The following APOBR variants were observed in gnomAD, a reference collection of about 807,000 sequenced individuals.
APOBR encodes the protein apolipoprotein B receptor.
A neutral mutation model predicts 88.5 loss-of-function variants in APOBR; 57 were observed. The observed-to-expected ratio is 0.64, with a 90% CI of 0.52 to 0.80. The LOEUF (loss-of-function observed/expected upper bound fraction) is 0.80. APOBR is among the 30% of genes least tolerant of loss of function. APOBR has a pLI of 0.00. For missense variants in APOBR, 1,443 were observed against 1,401.6 expected (o/e 1.03, Z -0.47); for synonymous variants, 588 against 572.7 (o/e 1.03, Z -0.38).
Position 28,497,029 on chromosome 16 carries a change from A to C in APOBR, c.1988A>C (p.Glu663Ala). The C allele has an allele frequency of 1.3e-6, 2 of 1,583,124 alleles. No homozygotes were observed. Among genetic ancestry groups the C allele is most frequent in the East Asian group, 2.3e-5 (1 of 43,674 alleles). Residue 663 changes from glutamate (E) to alanine (A), a missense_variant, in exon 2 of 4, where the codon GAA becomes GCA. By Grantham distance (107) the Glu-to-Ala change is moderately radical. Transcript: ENST00000564831. ...AGGQTLAAEAEGDRESELSEV... is the reference protein window; with the variant it reads ...AGGQTLAAEAAGDRESELSEV... Reference sequence around the variant, plus strand: ...GGCCAGACCCTGGCGGCTGAGGCTGAAGGAGACCGAGAGTCTGAACTATCA... The same window carrying C: ...GGCCAGACCCTGGCGGCTGAGGCTGCAGGAGACCGAGAGTCTGAACTATCA...
At chr16:28,495,003 C>T in intron 1 of APOBR, 96 bp from the exon 2 acceptor site, 1 of 1,228,416 alleles carries the variant, frequency 8.1e-7, no homozygotes. Context: ...ATCCCAGTAC[C>T]CTCTTCCTTA....
Position 28,497,176 on chromosome 16 carries a change from G to A in APOBR, c.2135G>A (p.Gly712Glu), listed in dbSNP as rs1195235654. The change falls in exon 2 of 4, where the codon GGG becomes GAG. Residue 712 changes from glycine to glutamate, a missense_variant. Physicochemically the swap from Gly to Glu is moderately conservative, Grantham distance 98 (BLOSUM62 -2). Coordinates refer to ENST00000564831, the MANE Select transcript of APOBR (RefSeq NM_018690.4). ...GACGGAAGCACAGGGGCAGACGCAG[G>A]GCCTTGCCCGTCACTGGGAGAGGCC... ...ELDGSTGADAGPCPSLGEAYA... is the reference protein window; with the variant it reads ...ELDGSTGADAEPCPSLGEAYA... 2 of 1,602,252 alleles carry A rather than the reference G, an allele frequency of 1.2e-6. No individual in the cohort carries two copies. Among genetic ancestry groups the A allele is most frequent in the Non-Finnish European group, 1.7e-6 (2 of 1,175,034 alleles).
In APOBR at chr16:28,498,066, C is replaced by T. The variant is rs948238310; in HGVS notation, c.2956-15C>T. The T allele has an allele frequency of 1.3e-6, 2 of 1,544,026 alleles. No individual in the cohort carries two copies. Among genetic ancestry groups the T allele is most frequent in the African/African-American group, 2.7e-5 (2 of 72,866 alleles). ...GAAGCCGGCCCCATGGTCCTCTGTG[C>T]CCCCTTTCCTGCAGGCCCCGCTCCC... is the stretch of plus-strand genomic sequence containing the variant. On this transcript the variant is annotated splice_polypyrimidine_tract_variant and intron_variant, in intron 2 of 3. Transcript: ENST00000564831.
Position 28,497,332 on chromosome 16 carries a change from T to G in APOBR, c.2291T>G (p.Ile764Ser). ...CAGACTGGCTCTGTGGCTGCTGGGA[T>G]TATGGGGGGTGATGTGGTCCCACAC... ...DAQTGSVAAG[I>S]MGGDVVPHIS... Residue 764 changes from isoleucine to serine, a missense_variant, in exon 2 of 4, where the codon ATT (isoleucine) becomes AGT (serine). Coordinates refer to ENST00000564831, the MANE Select transcript of APOBR (RefSeq NM_018690.4). The G allele has an allele frequency of 6.2e-7, 1 of 1,604,614 alleles. No homozygotes were observed. The highest frequency in any genetic ancestry group is 8.5e-7 in the Non-Finnish European group (1 of 1,176,090).
In APOBR at chr16:28,498,180, C is replaced by T. The variant is rs373411584; in HGVS notation, c.3055C>T (p.Arg1019Trp). ...GCGTCGCTCCCGGCCCTCTTTTCGT[C>T]GGACTCCGGCCTGGGAGCAGCAGGA... The part of the protein sequence containing the change: ...SQRRSRPSFR[R>W]TPAWEQQEEP... Residue 1019 changes from arginine (R) to tryptophan (W), a missense_variant, in exon 3 of 4, where the codon CGG (arginine) becomes TGG (tryptophan). Arg to Trp is a moderately radical substitution (Grantham distance 101). Transcript: ENST00000564831. 26 of 1,602,438 alleles carry T rather than the reference C, an allele frequency of 1.6e-5. No individual in the cohort carries two copies. The highest frequency in any genetic ancestry group is 1.1e-4 in the South Asian group (10 of 90,672).
In APOBR at chr16:28,497,019, G is replaced by T. The variant is rs930519752; in HGVS notation, c.1978G>T (p.Ala660Ser). 6.3e-7 allele frequency: 1 copy of T among 1,577,650 alleles called. No individual in the cohort carries two copies. The highest frequency in any genetic ancestry group is 8.6e-7 in the Non-Finnish European group (1 of 1,162,388). The change falls in exon 2 of 4, where the codon GCT (alanine) becomes TCT (serine). Residue 660 changes from alanine (A) to serine (S), a missense_variant. By Grantham distance (99) the Ala-to-Ser change is moderately conservative (BLOSUM62 1). Transcript: ENST00000564831. ...GACTGCGGGAGGCCAGACCCTGGCGGCTGAGGCTGAAGGAGACCGAGAGTC... is the reference window on the plus strand; with the variant it reads ...GACTGCGGGAGGCCAGACCCTGGCGTCTGAGGCTGAAGGAGACCGAGAGTC... ...EETAGGQTLAAEAEGDRESEL... is the reference protein window; with the variant it reads ...EETAGGQTLASEAEGDRESEL...
At position 28,498,445 on chromosome 16, in the gene APOBR, C is replaced by A; in HGVS notation, c.3234C>A (p.Leu1078=). 6.2e-7 allele frequency: 1 copy of A among 1,601,842 alleles called. No individual in the cohort carries two copies. The highest frequency in any genetic ancestry group is 8.5e-7 in the Non-Finnish European group (1 of 1,174,724). The change falls in exon 4 of 4, where the codon CTC becomes CTA. Residue 1078 remains leucine (L), a synonymous_variant. Coordinates refer to ENST00000564831, the MANE Select transcript of APOBR (RefSeq NM_018690.4). ...RRRPLGHGFG[L]AHPGMMQELQ... is the part of the protein sequence containing the mutation. ...TGACTTCCGCCTCCAGGTTTGGCCTCGCGCACCCTGGCATGATGCAGGAGC... is the reference window on the plus strand; with the variant it reads ...TGACTTCCGCCTCCAGGTTTGGCCTAGCGCACCCTGGCATGATGCAGGAGC...
chr16:28,498,862 C>T lies in APOBR; in HGVS notation c.*357C>T, dbSNP rs1161657464. The T allele has an allele frequency of 5.3e-6, 3 of 570,324 alleles. No homozygotes were observed. The highest frequency in any genetic ancestry group is 3.7e-5 in the African/African-American group (2 of 53,582). 35.3% of individuals were successfully genotyped at this position (570,324 alleles called of 1,614,324 possible). The stretch of plus-strand genomic sequence containing the variant: ...CTTTGGGAGGCCAAGGTGGGAGGAT[C>T]GCTTGAGACCAGGAGTTCGAGACCA... On this transcript the variant is annotated 3_prime_UTR_variant, in exon 4 of 4. Transcript: ENST00000564831.
chr16:28,497,416 CGAAA>C lies in APOBR; in HGVS notation c.2380_2383del (p.Glu794ArgfsTer25), dbSNP rs1567268808. 2 of 1,613,292 alleles carry C rather than the reference CGAAA, an allele frequency of 1.2e-6. No individual in the cohort carries two copies. The highest frequency in any genetic ancestry group is 3.3e-5 in the Admixed American group (2 of 59,890). ...GGGGTGCTTGGGCAAGGCTGGGACT[CGAAA>C]GAAAAGGAAGAGGCAGCAGCAGGAG... On this transcript the variant is annotated frameshift_variant, in exon 2 of 4. Transcript: ENST00000564831. LOFTEE classifies it high-confidence loss of function.
Position 28,496,676 on chromosome 16 carries a change from C to T in APOBR, c.1635C>T (p.Gly545=), listed in dbSNP as rs745727407. Residue 545 remains glycine (G), a synonymous_variant, in exon 2 of 4, where the codon GGC becomes GGT. Transcript: ENST00000564831. ...GTGAGGCGGCCCAGACTAGCTGTGG[C>T]CTACTGGGCGTGGAATGGGGTGGCC... The part of the protein sequence containing the change: ...EESEAAQTSC[G]LLGVEWGGLT... 2 of 1,605,754 alleles carry T rather than the reference C, an allele frequency of 1.2e-6. No homozygotes were observed. The highest frequency in any genetic ancestry group is 1.3e-5 in the African/African-American group (1 of 74,778).
At position 28,495,271 on chromosome 16, in the gene APOBR, G is replaced by C; in HGVS notation, c.230G>C (p.Gly77Ala). The C allele has an allele frequency of 6.5e-7, 1 of 1,527,406 alleles. No homozygotes were observed. The highest frequency in any genetic ancestry group is 8.8e-7 in the Non-Finnish European group (1 of 1,138,512). 94.6% of individuals were successfully genotyped at this position (1,527,406 alleles called of 1,614,324 possible). Reference protein sequence around the residue: ...LEGLRGSQNEGAGRLRGPGDD... With the variant: ...LEGLRGSQNEAAGRLRGPGDD... ...GGCCTTAGAGGCAGCCAAAACGAGG[G>C]GGCTGGAAGGCTGAGAGGGCCTGGA... is the stretch of plus-strand genomic sequence containing the variant. Residue 77 changes from glycine to alanine, a missense_variant, in exon 2 of 4, where the codon GGG (glycine) becomes GCG (alanine). Transcript: ENST00000564831.
Position 28,495,803 on chromosome 16 carries a change from G to A in APOBR, c.762G>A (p.Glu254=). 6.3e-7 allele frequency: 1 copy of A among 1,598,760 alleles called. No individual in the cohort carries two copies. The highest frequency in any genetic ancestry group is 8.5e-7 in the Non-Finnish European group (1 of 1,173,164). Residue 254 remains glutamate, a synonymous_variant, in exon 2 of 4, where the codon GAG becomes GAA. Transcript: ENST00000564831. The stretch of plus-strand genomic sequence containing the variant: ...AAGGAGAAGAGGTGGTAGTGGTGGA[G>A]AAGGCCTGTGAAAGCACTAGGGCAT... ...AGKGEEVVVV[E]KACESTRAWG... is the part of the protein sequence containing the mutation.
chr16:28,498,409 T>A, intron 3 of APOBR, 27 bp from the exon 4 acceptor site: 1 of 1,599,654 alleles, frequency 6.3e-7, no homozygotes. Context: ...GGGAACCTGT[T>A]CTCACGGGCC....
rs2046393382 is a variant in APOBR at position 28,496,405 on chromosome 16, C to T, written c.1364C>T (p.Ala455Val). 1 of 1,611,132 alleles carries T rather than the reference C, an allele frequency of 6.2e-7. No homozygotes were observed. The highest frequency in any genetic ancestry group is 8.5e-7 in the Non-Finnish European group (1 of 1,178,618). Reference sequence around the variant, plus strand: ...AGGGAAGCTGTGGGAGGCCAGGAGGCAGGGGAGAGCTTTGAGGGCCAGGTA... The same window carrying T: ...AGGGAAGCTGTGGGAGGCCAGGAGGTAGGGGAGAGCTTTGAGGGCCAGGTA... Reference protein sequence around the residue: ...AGREAVGGQEAGESFEGQVDL... With the variant: ...AGREAVGGQEVGESFEGQVDL... Residue 455 changes from alanine (A) to valine (V), a missense_variant, in exon 2 of 4, where the codon GCA becomes GTA. Ala to Val is a moderately conservative substitution (Grantham distance 64). Coordinates refer to ENST00000564831, the MANE Select transcript of APOBR (RefSeq NM_018690.4).
In APOBR at chr16:28,498,762, T is replaced by C. The variant is rs1254135748; in HGVS notation, c.*257T>C. The C allele has an allele frequency of 9.1e-5, 52 of 574,296 alleles. No homozygotes were observed. Among genetic ancestry groups the C allele is most frequent in the South Asian group, 8.7e-4 (43 of 49,570 alleles). The allele number at this position is 574,296 out of a possible 1,614,324, so 35.6% of individuals were successfully genotyped here. The stretch of plus-strand genomic sequence containing the variant: ...CCACCTCTCAGGGTGCCTGCCCTGG[T>C]TCCTCCCCAGCCTGAGTCAGCTGTC... On this transcript the variant is annotated 3_prime_UTR_variant, in exon 4 of 4. Transcript: ENST00000564831.
Position 28,496,262 on chromosome 16 carries a change from G to T in APOBR, c.1221G>T (p.Trp407Cys), listed in dbSNP as rs765107983. Residue 407 changes from tryptophan to cysteine, a missense_variant, in exon 2 of 4, where the codon TGG becomes TGT. Trp to Cys is a radical substitution (Grantham distance 215). Coordinates refer to ENST00000564831, the MANE Select transcript of APOBR (RefSeq NM_018690.4). ...TCCTAGAGGCTACTGGAAAAGTCTGGGTCCTAGAGGAGGAGGGGGATGAGG... is the reference window on the plus strand; with the variant it reads ...TCCTAGAGGCTACTGGAAAAGTCTGTGTCCTAGAGGAGGAGGGGGATGAGG... ...ERLLEATGKVWVLEEEGDEER... is the reference protein window; with the variant it reads ...ERLLEATGKVCVLEEEGDEER... The T allele has an allele frequency of 2.5e-6, 4 of 1,604,162 alleles. No homozygotes were observed. In the South Asian group the frequency reaches 4.5e-5, roughly 18 times the overall value.
In APOBR at chr16:28,497,247, T is replaced by A. The variant is rs369333689; in HGVS notation, c.2206T>A (p.Ser736Thr). 1.6e-4 allele frequency: 250 copies of A among 1,591,528 alleles called. No homozygotes were observed. Among genetic ancestry groups the A allele is most frequent in the Admixed American group, 1.1e-4 (6 of 55,234 alleles). The change falls in exon 2 of 4, where the codon TCC becomes ACC. Residue 736 changes from serine to threonine, a missense_variant. Coordinates refer to ENST00000564831, the MANE Select transcript of APOBR (RefSeq NM_018690.4). ...TGAGGAGGCGGAGGCTGACAGAACA[T>A]CCAGAAGAGGCTGGAGGCTGCAAGC... The part of the protein sequence containing the change: ...EDEEAEADRT[S>T]RRGWRLQAVA...
Position 28,498,915 on chromosome 16 carries a change from CT to C in APOBR, c.*414del. On this transcript the variant is annotated 3_prime_UTR_variant, in exon 4 of 4. Coordinates refer to ENST00000564831, the MANE Select transcript of APOBR (RefSeq NM_018690.4). ...CTGGGCAGCATAGCAAGATCCCCAT[CT>C]TTTAAAAACAAAATAAAACAATAAA... 1 of 506,312 alleles carries C rather than the reference CT, an allele frequency of 2.0e-6. No individual in the cohort carries two copies. 31.4% of individuals were successfully genotyped at this position (506,312 alleles called of 1,614,324 possible).
rs1455657294 is a variant in APOBR at position 28,496,659 on chromosome 16, G to T, written c.1618G>T (p.Ala540Ser). The T allele has an allele frequency of 1.2e-6, 2 of 1,603,410 alleles. No individual in the cohort carries two copies. The highest frequency in any genetic ancestry group is 1.7e-6 in the Non-Finnish European group (2 of 1,174,438). The change falls in exon 2 of 4, where the codon GCC (alanine) becomes TCC (serine). Residue 540 changes from alanine (A) to serine (S), a missense_variant. Transcript: ENST00000564831. The stretch of plus-strand genomic sequence containing the variant: ...GCTCACAGGGGAGGAGAGTGAGGCG[G>T]CCCAGACTAGCTGTGGCCTACTGGG... ...EELTGEESEA[A>S]QTSCGLLGVE...
Sources: gnomAD v4.1 joint callset for allele counts on GRCh38, gnomAD v4.1.1 for gene constraint, MANE v1.5 for transcripts, NCBI Gene and HGNC (gene_info 2026-07-23, HGNC 2026-07-21) for gene names.